MED13L: variants seen among roughly 807,000 people sequenced by gnomAD.
The protein encoded by MED13L is mediator of RNA polymerase II transcription subunit 13-like.
In MED13L, 7 loss-of-function variants were observed where a neutral mutation model predicts 220.9. That is an observed-to-expected ratio of 0.03 (90% CI 0.02 to 0.06). The LOEUF (loss-of-function observed/expected upper bound fraction) is 0.06. Ranked by LOEUF, MED13L falls within the 10% of genes least tolerant of loss-of-function variation. The pLI, the probability that MED13L is intolerant of heterozygous loss-of-function variation, is 1.00. For synonymous variants in MED13L, 1,011 were observed against 1,015.2 expected, an observed-to-expected ratio of 1.00 and a Z score of 0.08; for missense variants, 1,965 against 2,760.5, an observed-to-expected ratio of 0.71 and a Z score of 6.46.
At chr12:116,019,613 G>A (rs1879934224) in intron 6 of MED13L, among the ~76,000 whole-genome samples, 165 bp downstream of exon 6, 1 of 152,158 alleles carries the variant, frequency 6.6e-6, no homozygotes, top group Non-Finnish European at 1.5e-5. Flanking sequence ...CAAGGACCAA[G>A]GGTGCTTCAG....
chr12:116,101,984 A>G (rs1873099041), intron 3 of MED13L, among the ~76,000 whole-genome samples: 1 of 152,220 alleles, frequency 6.6e-6, no homozygotes, highest in Non-Finnish European at 1.5e-5. Flanking sequence ...GCTGGAAAGT[A>G]GTACAATATT....
At position 116,214,476 on chromosome 12, in the gene MED13L, A is replaced by G. The variant is rs184864106; in HGVS notation, c.310+22992T>C. 2.6e-5 allele frequency among the ~76,000 whole-genome samples: 4 copies of G among 152,296 alleles called. No homozygotes were observed. In the East Asian group the frequency reaches 7.7e-4, roughly 29 times the overall value. On this transcript the variant is annotated intron_variant, in intron 2 of 30. Coordinates refer to ENST00000281928, the MANE Select transcript of MED13L (RefSeq NM_015335.5). ...AGACCTATTTCAAAGGCTGAATCGA[A>G]TATTTTCAAAATATAAACCAAGAAC...
At chr12:116,249,067 T>C (rs184962099) in intron 1 of MED13L, among the ~76,000 whole-genome samples, 1 of 152,308 alleles carries the variant, frequency 6.6e-6, no homozygotes, top group Admixed American at 6.5e-5. Flanking sequence ...TTTGAAACTG[T>C]TCCTAAGTAC....
rs568304011 is a variant in MED13L at position 115,962,659 on chromosome 12, A to T, written c.6500+748T>A. On this transcript the variant is annotated intron_variant, in intron 30 of 30. Transcript: ENST00000281928. The stretch of plus-strand genomic sequence containing the variant: ...CTGTATATTTTCTCAAGGTAGATGA[A>T]GAATGCCTGTGGCTTGATTAATACA... 3.9e-5 allele frequency: 6 copies of T among 152,592 alleles called. No individual in the cohort carries two copies. In the South Asian group the frequency reaches 1.2e-3, roughly 32 times the overall value. The allele number at this position is 152,592 out of a possible 1,614,324, so 9.5% of individuals were successfully genotyped here. A position where few individuals can be genotyped will look rare whatever the true frequency, so the allele number is the denominator to read the frequency against.
intron 5 of MED13L, among the ~76,000 whole-genome samples, chr12:116,021,305 C>G (rs1224603355): frequency 6.6e-6 from 1 of 152,142 alleles, no homozygotes; most frequent in Non-Finnish European, 1.5e-5. Context: ...TCCCTCATGA[C>G]TACTTATTCC....
intron 25 of MED13L, among the ~76,000 whole-genome samples, chr12:115,973,750 C>T (rs1876746191): frequency 6.6e-6 from 1 of 152,132 alleles, no homozygotes; most frequent in Non-Finnish European, 1.5e-5. Flanking sequence ...TATTAGACCT[C>T]CAGGCTCTTG....
At chr12:116,027,771 C>T (rs186327454) in intron 4 of MED13L, among the ~76,000 whole-genome samples, 56 of 152,260 alleles carry the variant, frequency 3.7e-4, no homozygotes, top group African/African-American at 1.3e-3. Flanking sequence ...TTATCCAAAG[C>T]AATGCTAAAA....
At chr12:116,198,671 G>A (rs11831308) in intron 2 of MED13L, among the ~76,000 whole-genome samples, 6,838 of 152,068 alleles carry the variant, frequency 0.045, 521 homozygotes, top group African/African-American at 0.15. Flanking sequence ...ATCTTTCTTA[G>A]TGTCCATCAT....
intron 2 of MED13L, among the ~76,000 whole-genome samples, chr12:116,200,767 T>C (rs1170732474): frequency 6.6e-6 from 1 of 152,206 alleles, no homozygotes; most frequent in East Asian, 1.9e-4. Context: ...TTTTTAATGA[T>C]TAAAAATAGT....
At chr12:116,067,164 G>T (rs566276440) in intron 4 of MED13L, among the ~76,000 whole-genome samples, 1 of 152,190 alleles carries the variant, frequency 6.6e-6, no homozygotes, top group South Asian at 2.1e-4. Context: ...TATGAAATAT[G>T]TAAAAACTAT....
intron 2 of MED13L, among the ~76,000 whole-genome samples, chr12:116,205,532 G>GAAAAAAAAAAAAAAAAAGGAAAAA (rs1882260335): frequency 1.1e-5 from 1 of 94,028 alleles, no homozygotes; most frequent in Admixed American, 1.3e-4. Flanking sequence ...CAAAGGAAGA[G>GAAAAAAAAAAAAAAAAAGGAAAAA]AAAAAAAAAA....
intron 4 of MED13L, among the ~76,000 whole-genome samples, chr12:116,055,259 G>T (rs1868852195): frequency 6.6e-6 from 1 of 152,146 alleles, no homozygotes; most frequent in Non-Finnish European, 1.5e-5. Context: ...CCTTATAAAA[G>T]TTGATAAAGC....
At chr12:116,101,144 T>C (rs1873034253) in intron 3 of MED13L, among the ~76,000 whole-genome samples, 2 of 152,190 alleles carry the variant, frequency 1.3e-5, no homozygotes, top group South Asian at 4.1e-4. Flanking sequence ...ATTCTATTCA[T>C]TCTTTCTGTC....
chr12:116,032,102 G>A (rs1221862088), intron 4 of MED13L, among the ~76,000 whole-genome samples: 3 of 152,224 alleles, frequency 2.0e-5, no homozygotes, highest in East Asian at 3.9e-4. Flanking sequence ...ATTTATAGAT[G>A]AGTCTGTTTG....
At chr12:116,274,267 C>T (rs1269670377) in intron 1 of MED13L, among the ~76,000 whole-genome samples, 1 of 151,994 alleles carries the variant, frequency 6.6e-6, no homozygotes, top group Admixed American at 6.6e-5. Flanking sequence ...ATTGATTGCA[C>T]AATCAACTTT....
At chr12:116,196,892 T>C (rs573403814) in intron 2 of MED13L, among the ~76,000 whole-genome samples, 1 of 152,210 alleles carries the variant, frequency 6.6e-6, no homozygotes, top group East Asian at 1.9e-4. Flanking sequence ...TAGACAGACA[T>C]GTCTTCAAAA....
intron 1 of MED13L, among the ~76,000 whole-genome samples, chr12:116,275,007 AG>A (rs369710019): frequency 3.3e-5 from 5 of 151,054 alleles, no homozygotes; most frequent in Non-Finnish European, 1.5e-5. Context: ...AAAAAAAAAA[AG>A]ATAAAAGAAA....
At chr12:116,234,321 G>A (rs146662910) in intron 2 of MED13L, among the ~76,000 whole-genome samples, 126 of 151,942 alleles carry the variant, frequency 8.3e-4, no homozygotes, top group African/African-American at 2.8e-3. Flanking sequence ...TCTGCCTCCC[G>A]GTTTCCAGCG....
chr12:116,012,647 T>C (rs1407472501), intron 9 of MED13L, 150 bp downstream of exon 9: 5 of 689,854 alleles, frequency 7.2e-6, no homozygotes, highest in Non-Finnish European at 7.8e-6. Flanking sequence ...TAAAACTGTA[T>C]CATCTGCATA....
Sources: allele counts gnomAD v4.1 joint callset (sites outside exome capture counted in the v4.1 genomes callset), GRCh38; gene constraint gnomAD v4.1.1; transcripts MANE v1.5; gene names NCBI Gene and HGNC (gene_info 2026-07-23, HGNC 2026-07-21).